The following AIF1L variants were observed in gnomAD, a reference collection of about 807,000 sequenced individuals.
AIF1L encodes the protein allograft inflammatory factor 1-like.
In AIF1L, 12 loss-of-function variants were observed where a neutral mutation model predicts 20.7. The observed-to-expected ratio is 0.58, with a 90% CI of 0.37 to 0.94. AIF1L has a LOEUF of 0.94. Ranked by LOEUF, AIF1L falls within the 40% of genes least tolerant of loss-of-function variation. AIF1L has a pLI of 0.01. For synonymous variants in AIF1L, 76 were observed against 65.1 expected (o/e 1.17, Z -0.81); for missense variants, 173 against 185.3 (o/e 0.93, Z 0.39).
intron 2 of AIF1L, among the ~76,000 whole-genome samples, chr9:131,100,554 T>C (rs987884199): frequency 2.6e-5 from 4 of 152,214 alleles, no homozygotes; most frequent in African/African-American, 9.6e-5. Context: ...GGCCTCCTGC[T>C]GCGTGTCCAC....
intron 2 of AIF1L, among the ~76,000 whole-genome samples, chr9:131,099,471 TG>T (rs951561042): frequency 6.6e-6 from 1 of 152,244 alleles, no homozygotes; most frequent in African/African-American, 2.4e-5. Flanking sequence ...CAGCCCGGAC[TG>T]CCTTCCTTTG....
chr9:131,115,889 G>T (rs1294860535), intron 4 of AIF1L, among the ~76,000 whole-genome samples: 1 of 150,782 alleles, frequency 6.6e-6, no homozygotes, highest in East Asian at 2.0e-4. Context: ...CAGGAGAATT[G>T]CTTTAACCCA....
chr9:131,102,264 G>C (rs1830656333), intron 2 of AIF1L, among the ~76,000 whole-genome samples: 1 of 152,060 alleles, frequency 6.6e-6, no homozygotes, highest in African/African-American at 2.4e-5. Flanking sequence ...AAGGCAGCTG[G>C]GCAGGGTAGG....
At chr9:131,114,656 T>G in intron 4 of AIF1L, 38 bp downstream of exon 4, 1 of 1,612,928 alleles carries the variant, frequency 6.2e-7, no homozygotes, top group Non-Finnish European at 8.5e-7. Flanking sequence ...GAGGAGGGTG[T>G]TAAGTGGGTA....
chr9:131,101,016 G>T (rs1830629003), intron 2 of AIF1L, among the ~76,000 whole-genome samples: 1 of 152,106 alleles, frequency 6.6e-6, no homozygotes, highest in South Asian at 2.1e-4. Flanking sequence ...TTCTGCCTCA[G>T]CCTCCCAAGT....
At position 131,116,373 on chromosome 9, in the gene AIF1L, C is replaced by G. The variant is rs534612402; in HGVS notation, c.203-1383C>G. Among the ~76,000 whole-genome samples, 19 of 152,228 alleles carry G rather than the reference C, an allele frequency of 1.2e-4. No individual in the cohort carries two copies. The South Asian group carries it at 3.5e-3, about 28-fold the overall frequency. ...CAGCCTCCCAGGTTCAAGCGGTTCT[C>G]CTGCCTCAGCCTCCCAAGTAGCTGA... On this transcript the variant is annotated intron_variant, in intron 4 of 5. Coordinates refer to ENST00000247291, the MANE Select transcript of AIF1L (RefSeq NM_031426.4).
At chr9:131,113,497 C>CAAAAAAAAAA (rs3057292) in intron 3 of AIF1L, among the ~76,000 whole-genome samples, 2 of 49,332 alleles carry the variant, frequency 4.1e-5, no homozygotes, top group African/African-American at 7.6e-5. Context: ...GACTCCATCT[C>CAAAAAAAAAA]AAAAAAAAAA....
chr9:131,101,639 C>T (rs752498716), intron 2 of AIF1L, among the ~76,000 whole-genome samples: 9 of 152,156 alleles, frequency 5.9e-5, no homozygotes, highest in South Asian at 2.1e-4. Context: ...ATCACTGTGC[C>T]GGGCCTTGAC....
intron 2 of AIF1L, 51 bp downstream of exon 2, chr9:131,096,914 G>C (rs756509187): frequency 1.3e-6 from 2 of 1,484,002 alleles, no homozygotes; most frequent in South Asian, 1.3e-5. Context: ...CGCGCTGCGC[G>C]GGTGCCACCT....
intron 2 of AIF1L, among the ~76,000 whole-genome samples, chr9:131,105,566 A>G (rs1365491864): frequency 6.6e-6 from 1 of 151,958 alleles, no homozygotes; most frequent in Non-Finnish European, 1.5e-5. Context: ...GCTGGTCTTG[A>G]ACTCCTGACC....
At chr9:131,111,784 C>A in intron 3 of AIF1L, 121 bp downstream of exon 3, 2 of 1,020,714 alleles carry the variant, frequency 2.0e-6, no homozygotes, top group Admixed American at 2.1e-5. Context: ...GTCCAGAATG[C>A]CCTTCTTCCT....
chr9:131,111,521 C>T, intron 2 of AIF1L, 76 bp from the exon 3 acceptor site: 14 of 1,380,288 alleles, frequency 1.0e-5, no homozygotes, highest in Non-Finnish European at 1.4e-5. Flanking sequence ...GAGGGAAGGC[C>T]CCCGGACAGT....
chr9:131,113,751 C>T, intron 3 of AIF1L: 1 of 152,412 alleles, frequency 6.6e-6, no homozygotes, highest in Non-Finnish European at 1.5e-5. Context: ...ACATTCCAGG[C>T]AGAGGGGCAG....
chr9:131,119,506 G>GAAAAAAAAAA (rs10612336), intron 5 of AIF1L, among the ~76,000 whole-genome samples: 1 of 140,462 alleles, frequency 7.1e-6, no homozygotes, highest in Non-Finnish European at 1.5e-5. Context: ...TGTCTCAAAA[G>GAAAAAAAAAA]AAAAAAAAAA....
intron 5 of AIF1L, among the ~76,000 whole-genome samples, chr9:131,118,482 T>C (rs1831063934): frequency 1.3e-5 from 2 of 151,896 alleles, no homozygotes; most frequent in South Asian, 4.2e-4. Context: ...GCAACTGTGA[T>C]GATGATGATG....
At position 131,120,258 on chromosome 9, in the gene AIF1L, C is replaced by A; in HGVS notation, c.389C>A (p.Ala130Asp). 1 of 1,613,844 alleles carries A rather than the reference C, an allele frequency of 6.2e-7. No individual in the cohort carries two copies. The change falls in exon 6 of 6, where the codon GCC becomes GAC. Residue 130 changes from alanine to aspartate, a missense_variant. By Grantham distance (126) the Ala-to-Asp change is moderately radical. Coordinates refer to ENST00000247291, the MANE Select transcript of AIF1L (RefSeq NM_031426.4). The stretch of plus-strand genomic sequence containing the variant: ...AGAGTCATGATGTTTGAAGGAAAAG[C>A]CAACGAGAGCAGCCCCAAGCCAGTT... Reference protein sequence around the residue: ...LKLVMMFEGKANESSPKPVGP... With the variant: ...LKLVMMFEGKDNESSPKPVGP...
At chr9:131,109,641 G>C (rs1830833287) in intron 2 of AIF1L, among the ~76,000 whole-genome samples, 1 of 152,172 alleles carries the variant, frequency 6.6e-6, no homozygotes, top group African/African-American at 2.4e-5. Flanking sequence ...GGTAGGAGGG[G>C]AACAGGCCCT....
chr9:131,114,643 A>G, intron 4 of AIF1L, 25 bp downstream of exon 4: 1 of 1,613,880 alleles, frequency 6.2e-7, no homozygotes, highest in Non-Finnish European at 8.5e-7. Context: ...GAGTGTGTTT[A>G]GGGAGGAGGG....
intron 2 of AIF1L, among the ~76,000 whole-genome samples, chr9:131,104,376 G>A (rs1350862586): frequency 6.6e-6 from 1 of 152,254 alleles, no homozygotes; most frequent in Non-Finnish European, 1.5e-5. Context: ...GGGCTATAAA[G>A]TGGTTCCCTG....
Sources: allele counts gnomAD v4.1 joint callset (sites outside exome capture counted in the v4.1 genomes callset), GRCh38; gene constraint gnomAD v4.1.1; transcripts MANE v1.5; gene names NCBI Gene and HGNC (gene_info 2026-07-23, HGNC 2026-07-21).